The following CNTN5 variants were observed in gnomAD, a reference collection of about 807,000 sequenced individuals.
CNTN5 encodes contactin-5.
A neutral mutation model predicts 129.1 loss-of-function variants in CNTN5; 77 were observed. The observed-to-expected ratio is 0.60, with a 90% CI of 0.50 to 0.72. The LOEUF is 0.72. Ranked by LOEUF, CNTN5 falls within the 30% of genes least tolerant of loss-of-function variation. CNTN5 has a pLI of 0.00. For synonymous variants in CNTN5, 509 were observed against 465.6 expected (o/e 1.09, Z -1.20); for missense variants, 1,478 against 1,328.8 (o/e 1.11, Z -1.75).
chr11:99,635,558 CGAG>C (rs1951520698), intron 3 of CNTN5, among the ~76,000 whole-genome samples: 1 of 151,796 alleles, frequency 6.6e-6, no homozygotes, highest in South Asian at 2.1e-4. Flanking sequence ...ATTCCTGAGT[CGAG>C]GAAGGTTTTT....
chr11:100,329,149 A>G (rs1318945566), intron 21 of CNTN5, among the ~76,000 whole-genome samples: 1 of 152,080 alleles, frequency 6.6e-6, no homozygotes, highest in Non-Finnish European at 1.5e-5. Flanking sequence ...GAGGCTTGTT[A>G]CTGCTGGGTT....
chr11:99,030,520 G>T (rs1863319458), intron 1 of CNTN5, among the ~76,000 whole-genome samples: 1 of 151,930 alleles, frequency 6.6e-6, no homozygotes, highest in South Asian at 2.1e-4. Flanking sequence ...GTTTTGTTGG[G>T]CTAGAAAAGG....
chr11:99,424,433 C>T (rs746904386), intron 2 of CNTN5, among the ~76,000 whole-genome samples: 82 of 152,306 alleles, frequency 5.4e-4, no homozygotes, highest in Non-Finnish European at 9.3e-4. Flanking sequence ...CTCACGCCTG[C>T]GAAGGGTGAG....
chr11:99,089,302 T>C (rs1005684189), intron 1 of CNTN5, among the ~76,000 whole-genome samples: 1 of 152,120 alleles, frequency 6.6e-6, no homozygotes, highest in Non-Finnish European at 1.5e-5. Flanking sequence ...ATCTTGTAAA[T>C]AGCATTTATA....
At chr11:99,153,669 A>G (rs1341146110) in intron 1 of CNTN5, among the ~76,000 whole-genome samples, 1 of 152,124 alleles carries the variant, frequency 6.6e-6, no homozygotes, top group Non-Finnish European at 1.5e-5. Flanking sequence ...GTTAAGAACC[A>G]TTGCTATTTC....
At chr11:99,911,176 A>T (rs1363043756) in intron 6 of CNTN5, among the ~76,000 whole-genome samples, 1 of 152,076 alleles carries the variant, frequency 6.6e-6, no homozygotes, top group Non-Finnish European at 1.5e-5. Flanking sequence ...TTTTGTAAAA[A>T]GTCAAAATCT....
intron 1 of CNTN5, among the ~76,000 whole-genome samples, chr11:99,323,988 A>T (rs1266524786): frequency 6.6e-6 from 1 of 152,168 alleles, no homozygotes; most frequent in Admixed American, 6.5e-5. Flanking sequence ...TTCTGTTCAC[A>T]ATTTGTATAC....
intron 2 of CNTN5, among the ~76,000 whole-genome samples, chr11:99,507,020 A>G (rs1280419987): frequency 6.6e-6 from 1 of 152,216 alleles, no homozygotes; most frequent in Non-Finnish European, 1.5e-5. Flanking sequence ...TGTTTTTCAG[A>G]TGTTTTAGTT....
chr11:99,729,415 A>G (rs746027008), intron 3 of CNTN5, among the ~76,000 whole-genome samples: 20 of 152,048 alleles, frequency 1.3e-4, no homozygotes, highest in Non-Finnish European at 2.2e-4. Flanking sequence ...TAAGCCTAGT[A>G]CCCAATAGTT....
intron 7 of CNTN5, among the ~76,000 whole-genome samples, chr11:99,940,213 T>G (rs1950405004): frequency 6.6e-6 from 1 of 152,136 alleles, no homozygotes; most frequent in Non-Finnish European, 1.5e-5. Context: ...GTGCTGAGAT[T>G]GAGAAAACTT....
intron 13 of CNTN5, among the ~76,000 whole-genome samples, chr11:100,125,727 C>T (rs1946162543): frequency 6.6e-6 from 1 of 152,048 alleles, no homozygotes; most frequent in East Asian, 1.9e-4. Flanking sequence ...AGTGGTCTAT[C>T]AATTTTGCTT....
At chr11:99,548,349 A>G (rs541521807) in intron 2 of CNTN5, among the ~76,000 whole-genome samples, 1 of 152,226 alleles carries the variant, frequency 6.6e-6, no homozygotes, top group Admixed American at 6.5e-5. Context: ...AAAGAGGTTC[A>G]GAGAGCTCTT....
Position 100,048,531 on chromosome 11 carries a change from T to C in CNTN5, c.981-12681T>C, listed in dbSNP as rs558083469. ...AACATCAATATAATCAAGAGAGAAA[T>C]AGAAGTTATCTTTATGAAAGTTTTA... On this transcript the variant is annotated intron_variant, in intron 9 of 24. Coordinates refer to ENST00000524871, the MANE Select transcript of CNTN5 (RefSeq NM_014361.4). Among the ~76,000 whole-genome samples the C allele has an allele frequency of 3.3e-5, 5 of 152,078 alleles. 1 individual carries two copies. The highest frequency in any genetic ancestry group is 4.2e-4 in the South Asian group (2 of 4,818).
chr11:99,281,580 AC>A (rs1265833653), intron 1 of CNTN5, among the ~76,000 whole-genome samples: 1 of 151,880 alleles, frequency 6.6e-6, no homozygotes, highest in Non-Finnish European at 1.5e-5. Context: ...TGACTGACTC[AC>A]CTGCTTTCAT....
intron 8 of CNTN5, 75 bp downstream of exon 8, chr11:99,957,084 T>A: frequency 7.9e-7 from 1 of 1,272,982 alleles, no homozygotes; most frequent in Non-Finnish European, 1.1e-6. Flanking sequence ...GTGTGTTTTT[T>A]TTTTAAGACC....
At chr11:100,196,486 T>C (rs1017449364) in intron 15 of CNTN5, among the ~76,000 whole-genome samples, 2 of 152,014 alleles carry the variant, frequency 1.3e-5, no homozygotes, top group Non-Finnish European at 2.9e-5. Flanking sequence ...ACAATGTACA[T>C]TGTATACATC....
chr11:99,714,585 T>G (rs1342490674), intron 3 of CNTN5, among the ~76,000 whole-genome samples: 1 of 151,972 alleles, frequency 6.6e-6, no homozygotes, highest in Non-Finnish European at 1.5e-5. Flanking sequence ...ATGCATTATC[T>G]TAAGAATATT....
intron 6 of CNTN5, among the ~76,000 whole-genome samples, chr11:99,869,944 A>G (rs950564800): frequency 2.6e-5 from 4 of 152,116 alleles, no homozygotes; most frequent in Non-Finnish European, 5.9e-5. Context: ...ATTGAGTAGC[A>G]CTGTTAGCTT....
chr11:100,325,176 A>C (rs1951766034), intron 21 of CNTN5, among the ~76,000 whole-genome samples: 1 of 152,180 alleles, frequency 6.6e-6, no homozygotes, highest in African/African-American at 2.4e-5. Context: ...GCCTGATCTT[A>C]GATGCTGTAT....
Sources: allele counts gnomAD v4.1 joint callset (sites outside exome capture counted in the v4.1 genomes callset), GRCh38; gene constraint gnomAD v4.1.1; transcripts MANE v1.5; gene names NCBI Gene and HGNC (gene_info 2026-07-23, HGNC 2026-07-21).